The following SORCS3 variants were observed in gnomAD, a reference collection of about 807,000 sequenced individuals.
SORCS3 encodes the protein sortilin related VPS10 domain containing receptor 3.
A neutral mutation model predicts 146.3 loss-of-function variants in SORCS3; 57 were observed. The observed-to-expected ratio is 0.39, with a 90% CI of 0.31 to 0.49. The LOEUF (loss-of-function observed/expected upper bound fraction) is 0.49. Among genes scored for constraint, SORCS3 ranks in the 20% least tolerant of loss-of-function variants. The probability of loss-of-function intolerance (pLI) is 0.92; values close to 1 mark genes in which losing one functional copy is unlikely to be tolerated. For missense variants in SORCS3, 1,341 were observed against 1,575.5 expected (o/e 0.85, Z 2.52); for synonymous variants, 653 against 618.5 (o/e 1.06, Z -0.83).
intron 9 of SORCS3, among the ~76,000 whole-genome samples, chr10:105,155,789 AG>A (rs2056203393): frequency 6.6e-6 from 1 of 152,164 alleles, no homozygotes; most frequent in African/African-American, 2.4e-5. Flanking sequence ...CCACTGTTCC[AG>A]GTAGCAATCT....
intron 6 of SORCS3, among the ~76,000 whole-genome samples, chr10:105,101,882 T>C (rs1241823340): frequency 6.6e-6 from 1 of 152,200 alleles, no homozygotes; most frequent in Non-Finnish European, 1.5e-5. Context: ...ATGTTTTTAC[T>C]GCAGGTTTTC....
chr10:105,041,304 T>C (rs2055336457), intron 4 of SORCS3, among the ~76,000 whole-genome samples: 1 of 148,770 alleles, frequency 6.7e-6, no homozygotes, highest in Non-Finnish European at 1.5e-5. Flanking sequence ...CCCACACTTT[T>C]CCCAACAAAT....
At chr10:104,784,756 C>T (rs1381476439) in intron 1 of SORCS3, among the ~76,000 whole-genome samples, 1 of 152,222 alleles carries the variant, frequency 6.6e-6, no homozygotes, top group Non-Finnish European at 1.5e-5. Flanking sequence ...GGTTTAGCAC[C>T]ATTATAGGAG....
intron 20 of SORCS3, among the ~76,000 whole-genome samples, chr10:105,233,247 A>G (rs1361907410): frequency 6.6e-6 from 1 of 152,114 alleles, no homozygotes; most frequent in Non-Finnish European, 1.5e-5. Context: ...ATAATTCTAA[A>G]TTCTTGTCTC....
At chr10:105,132,725 C>T (rs1487664547) in intron 7 of SORCS3, among the ~76,000 whole-genome samples, 1 of 152,134 alleles carries the variant, frequency 6.6e-6, no homozygotes, top group African/African-American at 2.4e-5. Context: ...TGGCCAGGAG[C>T]CCAATTAAAC....
At chr10:105,096,361 C>T (rs1020263705) in intron 6 of SORCS3, among the ~76,000 whole-genome samples, 5 of 152,146 alleles carry the variant, frequency 3.3e-5, no homozygotes, top group African/African-American at 9.7e-5. Flanking sequence ...CTCCCCATTT[C>T]TGACAAGCTC....
At chr10:104,877,127 A>C (rs533605231) in intron 2 of SORCS3, among the ~76,000 whole-genome samples, 2 of 152,278 alleles carry the variant, frequency 1.3e-5, no homozygotes, top group East Asian at 3.9e-4. Context: ...TTGAGATTAC[A>C]ACTGTGAGTC....
intron 20 of SORCS3, among the ~76,000 whole-genome samples, chr10:105,228,417 T>C (rs1281299200): frequency 2.0e-4 from 31 of 151,790 alleles, no homozygotes. Context: ...TTTCTTTCTC[T>C]GTTTCTTGCT....
At chr10:104,839,289 A>G (rs886538620) in intron 1 of SORCS3, among the ~76,000 whole-genome samples, 2 of 152,160 alleles carry the variant, frequency 1.3e-5, no homozygotes, top group South Asian at 2.1e-4. Context: ...GCAAAATAGG[A>G]CTTCACAGGA....
chr10:105,053,848 T>C (rs960859608), intron 5 of SORCS3, among the ~76,000 whole-genome samples: 1 of 152,050 alleles, frequency 6.6e-6, no homozygotes, highest in Non-Finnish European at 1.5e-5. Context: ...TAGAAACATT[T>C]AAGTAATTAT....
chr10:104,757,342 G>A (rs11192184), intron 1 of SORCS3, among the ~76,000 whole-genome samples: 2,418 of 152,188 alleles, frequency 0.016, 59 homozygotes, highest in African/African-American at 0.053. Flanking sequence ...CTAAATAATT[G>A]CCATTAGCTC....
At chr10:105,178,684 C>T (rs1198418321) in intron 14 of SORCS3, among the ~76,000 whole-genome samples, 1 of 152,118 alleles carries the variant, frequency 6.6e-6, no homozygotes, top group African/African-American at 2.4e-5. Context: ...TTTTTCTATA[C>T]TCTTTTATAA....
At chr10:105,212,363 G>A (rs889479362) in intron 17 of SORCS3, among the ~76,000 whole-genome samples, 1 of 152,196 alleles carries the variant, frequency 6.6e-6, no homozygotes, top group African/African-American at 2.4e-5. Flanking sequence ...ACAGCATGAA[G>A]TTAAAGAGAT....
chr10:104,865,142 G>T (rs1451238987), intron 2 of SORCS3, among the ~76,000 whole-genome samples: 1 of 152,148 alleles, frequency 6.6e-6, no homozygotes, highest in African/African-American at 2.4e-5. Flanking sequence ...ATGAAACAGA[G>T]ATTTATTGAG....
chr10:105,183,546 C>T (rs370147830), intron 14 of SORCS3, among the ~76,000 whole-genome samples: 5 of 152,166 alleles, frequency 3.3e-5, no homozygotes, highest in Admixed American at 1.3e-4. Context: ...ACCAGAGCTG[C>T]TTCCATTGAT....
chr10:105,166,522 T>G (rs1384866008), intron 12 of SORCS3, among the ~76,000 whole-genome samples: 2 of 152,158 alleles, frequency 1.3e-5, no homozygotes, highest in Non-Finnish European at 2.9e-5. Context: ...ACTCGGAACC[T>G]TGTATTGAAG....
chr10:105,235,131 G>A lies in SORCS3; in HGVS notation c.2869-10411G>A, dbSNP rs763054576. Among the ~76,000 whole-genome samples, 8 of 152,026 alleles carry A rather than the reference G, an allele frequency of 5.3e-5. No individual in the cohort carries two copies. In the East Asian group the frequency reaches 1.2e-3, roughly 22 times the overall value. On this transcript the variant is annotated intron_variant, in intron 20 of 26. Transcript: ENST00000369701. ...GAGTGGGCTGTAGGTAGGTATCTAT[G>A]TTCTCCCACATGGAAGGATAAAGTG...
At chr10:104,744,301 G>T (rs1160619216) in intron 1 of SORCS3, among the ~76,000 whole-genome samples, 1 of 152,108 alleles carries the variant, frequency 6.6e-6, no homozygotes, top group Non-Finnish European at 1.5e-5. Context: ...CTCCCCTATG[G>T]TGCTCTGGGA....
chr10:105,148,241 G>A (rs2119469230), intron 9 of SORCS3, among the ~76,000 whole-genome samples: 1 of 152,156 alleles, frequency 6.6e-6, no homozygotes, highest in Non-Finnish European at 1.5e-5. Context: ...GAAAATAAAA[G>A]CGAATATCAG....
Sources: allele counts gnomAD v4.1 joint callset (sites outside exome capture counted in the v4.1 genomes callset), GRCh38; gene constraint gnomAD v4.1.1; transcripts MANE v1.5; gene names NCBI Gene and HGNC (gene_info 2026-07-23, HGNC 2026-07-21).